ZNF141: variants seen among roughly 807,000 people sequenced by gnomAD.
The protein encoded by ZNF141 is zinc finger protein 141 (clone pHZ-44).
Under a neutral mutation model 11.3 loss-of-function variants are expected in ZNF141, and 7 were observed. The ratio of observed to expected loss-of-function variants is 0.62; its 90% confidence interval spans 0.35 to 1.16. The LOEUF (loss-of-function observed/expected upper bound fraction) is 1.16, where lower values mean the gene tolerates loss of function less well. Among genes scored for constraint, ZNF141 ranks in the 50% most tolerant of loss-of-function variants. ZNF141 has a pLI of 0.02. For synonymous variants in ZNF141, 183 were observed against 190.7 expected (o/e 0.96, Z 0.33); for missense variants, 535 against 554.0 (o/e 0.97, Z 0.34).
In ZNF141 at chr4:380,765, C is replaced by T. The variant is rs1553855452; in HGVS notation, c.*6903C>T. On this transcript the variant is annotated 3_prime_UTR_variant, in exon 4 of 4. Coordinates refer to ENST00000240499, the MANE Select transcript of ZNF141 (RefSeq NM_003441.4). ...AGAGAAAAATGACTTGCTCACAACA[C>T]AGGCAACTTTGACTCTAGAGATAAC... 6.6e-6 allele frequency among the ~76,000 whole-genome samples: 1 copy of T among 152,126 alleles called. No homozygotes were observed. The highest frequency in any genetic ancestry group is 2.4e-5 in the African/African-American group (1 of 41,406).
intron 3 of ZNF141, among the ~76,000 whole-genome samples, chr4:355,137 C>G (rs1379523134): frequency 6.6e-6 from 1 of 151,466 alleles, no homozygotes; most frequent in Admixed American, 6.6e-5. Flanking sequence ...AGCCTCATCA[C>G]TATATAATGA....
At chr4:353,467 T>TTA (rs1491258139) in intron 3 of ZNF141, among the ~76,000 whole-genome samples, 4 of 108,034 alleles carry the variant, frequency 3.7e-5, no homozygotes, top group South Asian at 2.8e-4. Context: ...ATTATTATTA[T>TTA]TTTTTTTTTT....
Position 337,939 on chromosome 4 carries a change from G to T in ZNF141, c.-45G>T. The stretch of plus-strand genomic sequence containing the variant: ...CGTCGCTCTGTGACCTGCGGGTATT[G>T]GATGATTGGTAGCTAAGACTCCCGA... On this transcript the variant is annotated 5_prime_UTR_variant, in exon 1 of 4. Transcript: ENST00000240499. 2 of 1,611,626 alleles carry T rather than the reference G, an allele frequency of 1.2e-6. No homozygotes were observed. The highest frequency in any genetic ancestry group is 1.7e-6 in the Non-Finnish European group (2 of 1,178,404).
At chr4:344,314 A>G (rs375225346) in intron 2 of ZNF141, 21 bp from the exon 3 acceptor site, 28 of 1,590,100 alleles carry the variant, frequency 1.8e-5, no homozygotes, top group Non-Finnish European at 2.3e-5. Context: ...TCATGTTATT[A>G]TTTTTTTTAA....
Position 347,884 on chromosome 4 carries a change from G to A in ZNF141, c.226+3454G>A, listed in dbSNP as rs182303952. Among the ~76,000 whole-genome samples, 151 of 149,874 alleles carry A rather than the reference G, an allele frequency of 1.0e-3. 4 individuals carry two copies. The East Asian group carries it at 0.022, about 22-fold the overall frequency. On this transcript the variant is annotated intron_variant, in intron 3 of 3. Transcript: ENST00000240499. ...TTTTTTTGGAGACAGAATTTCTGTC[G>A]CCCGAGCTGAAGTGCAGTGGCACGA...
rs569092112 is a variant in ZNF141, at chr4:376,400, A to G, written c.*2538A>G. ...CTTATACAGGCATACAACATGTAAT[A>G]TACCAGAGTAAATGAGTTATTCATC... On this transcript the variant is annotated 3_prime_UTR_variant, in exon 4 of 4. Coordinates refer to ENST00000240499, the MANE Select transcript of ZNF141 (RefSeq NM_003441.4). Among the ~76,000 whole-genome samples the G allele has an allele frequency of 3.3e-5, 5 of 152,202 alleles. No individual in the cohort carries two copies. The South Asian group carries it at 1.0e-3, about 32-fold the overall frequency.
intron 3 of ZNF141, among the ~76,000 whole-genome samples, chr4:351,068 A>G (rs1406502648): frequency 2.0e-5 from 3 of 151,252 alleles, no homozygotes; most frequent in African/African-American, 7.3e-5. Context: ...ATTTTTTAAA[A>G]GCATGTGGCA....
chr4:357,650 G>T, intron 3 of ZNF141, among the ~76,000 whole-genome samples: 1 of 150,978 alleles, frequency 6.6e-6, no homozygotes, highest in Non-Finnish European at 1.5e-5. Flanking sequence ...CATTCCTACA[G>T]ATAATTATGC....
At chr4:354,284 C>T (rs1721746768) in intron 3 of ZNF141, among the ~76,000 whole-genome samples, 1 of 152,222 alleles carries the variant, frequency 6.6e-6, no homozygotes, top group East Asian at 1.9e-4. Context: ...CCCCCACAGA[C>T]CCTCTCTCAT....
In ZNF141 at chr4:381,946, C is replaced by CTTTTTTTTTTTTTTTTTTTTTTT. The variant is rs34905613; in HGVS notation, c.*8103_*8104insTTTTTTTTTTTTTTTTTTTTTTT. Among the ~76,000 whole-genome samples the CTTTTTTTTTTTTTTTTTTTTTTT allele has an allele frequency of 4.2e-3, 441 of 105,878 alleles. 28 individuals are homozygous for CTTTTTTTTTTTTTTTTTTTTTTT. Among genetic ancestry groups the CTTTTTTTTTTTTTTTTTTTTTTT allele is most frequent in the African/African-American group, 7.1e-3 (159 of 22,426 alleles). 69.5% of individuals were successfully genotyped at this position (105,878 alleles called of 152,430 possible). ...CTAGGGCCACCACCATCTCTGGGAACTTTTTTTTTTTTTTTTTTTGAGACG... is the reference window on the plus strand; with the variant it reads ...CTAGGGCCACCACCATCTCTGGGAACTTTTTTTTTTTTTTTTTTTTTTTTTTTTTTTTTTTTTTTTTTGAGACG... On this transcript the variant is annotated 3_prime_UTR_variant, in exon 4 of 4. Transcript: ENST00000240499.
Position 337,820 on chromosome 4 carries a change from G to T in ZNF141, c.-164G>T. ...CTTCCGGGATGTGGCGCGGGTCTTT[G>T]CGTCTGGCTACTACCAGACCGCGGG... On this transcript the variant is annotated 5_prime_UTR_variant, in exon 1 of 4. Coordinates refer to ENST00000240499, the MANE Select transcript of ZNF141 (RefSeq NM_003441.4). 1.2e-6 allele frequency: 1 copy of T among 845,270 alleles called. No individual in the cohort carries two copies. The highest frequency in any genetic ancestry group is 1.9e-6 in the Non-Finnish European group (1 of 526,376). The allele number at this position is 845,270 out of a possible 1,614,324, so 52.4% of individuals were successfully genotyped here. A position where few individuals can be genotyped will look rare whatever the true frequency, so the allele number is the denominator to read the frequency against.
rs1712332646 is a variant in ZNF141, at chr4:375,728, C to T, written c.*1866C>T. 6.6e-6 allele frequency among the ~76,000 whole-genome samples: 1 copy of T among 151,974 alleles called. No homozygotes were observed. Among genetic ancestry groups the T allele is most frequent in the Non-Finnish European group, 1.5e-5 (1 of 67,896 alleles). Reference sequence around the variant, plus strand: ...TTTGAAAAGCATATAATAGTTAATTCAACTCAAATTATTTCATACTGTTTC... The same window carrying T: ...TTTGAAAAGCATATAATAGTTAATTTAACTCAAATTATTTCATACTGTTTC... On this transcript the variant is annotated 3_prime_UTR_variant, in exon 4 of 4. Coordinates refer to ENST00000240499, the MANE Select transcript of ZNF141 (RefSeq NM_003441.4).
At chr4:370,744 T>G (rs1238878718) in intron 3 of ZNF141, among the ~76,000 whole-genome samples, 1 of 152,184 alleles carries the variant, frequency 6.6e-6, no homozygotes, top group East Asian at 1.9e-4. Context: ...CTTCTTTTTT[T>G]TTTGAAATGA....
chr4:360,970 C>T (rs1553852045), intron 3 of ZNF141, among the ~76,000 whole-genome samples: 1 of 151,820 alleles, frequency 6.6e-6, no homozygotes, highest in Non-Finnish European at 1.5e-5. Context: ...GTAAATTTAC[C>T]ATCTATTTAT....
chr4:340,423 A>G (rs150361519), intron 1 of ZNF141, among the ~76,000 whole-genome samples: 28 of 152,346 alleles, frequency 1.8e-4, no homozygotes, highest in East Asian at 1.7e-3. Flanking sequence ...CAGTGTGCCA[A>G]TGATCTTCAG....
At chr4:339,455 GCA>G (rs1409337715) in intron 1 of ZNF141, among the ~76,000 whole-genome samples, 1 of 152,058 alleles carries the variant, frequency 6.6e-6, no homozygotes, top group Non-Finnish European at 1.5e-5. Flanking sequence ...TCTTTCCTGT[GCA>G]CACAGTTTGC....
intron 3 of ZNF141, among the ~76,000 whole-genome samples, chr4:362,261 G>A (rs1383372201): frequency 2.0e-5 from 3 of 152,130 alleles, no homozygotes; most frequent in African/African-American, 7.2e-5. Flanking sequence ...TGAATTCTTT[G>A]TAGATTCTGG....
Position 372,685 on chromosome 4 carries a change from A to C in ZNF141, c.248A>C (p.Gln83Pro). The change falls in exon 4 of 4, where the codon CAA (glutamine) becomes CCA (proline). Residue 83 changes from glutamine (Q) to proline (P), a missense_variant. Coordinates refer to ENST00000240499, the MANE Select transcript of ZNF141 (RefSeq NM_003441.4). ...RPPAMCSHFT[Q>P]DHWPVQGIED... ...TCAGCTATGTGTTCTCATTTCACCC[A>C]AGACCATTGGCCAGTGCAGGGCATA... 6.5e-7 allele frequency: 1 copy of C among 1,547,562 alleles called. No individual in the cohort carries two copies. The highest frequency in any genetic ancestry group is 2.3e-5 in the East Asian group (1 of 44,198).
intron 3 of ZNF141, among the ~76,000 whole-genome samples, chr4:365,995 T>C (rs1308193931): frequency 2.6e-5 from 4 of 152,252 alleles, no homozygotes; most frequent in African/African-American, 9.6e-5. Flanking sequence ...TTGATCTGTC[T>C]GTTTTTATGC....
Sources: allele counts gnomAD v4.1 joint callset (sites outside exome capture counted in the v4.1 genomes callset), GRCh38; gene constraint gnomAD v4.1.1; transcripts MANE v1.5; gene names NCBI Gene and HGNC (gene_info 2026-07-23, HGNC 2026-07-21).